The following IL31RA variants were observed in gnomAD, a reference collection of about 807,000 sequenced individuals.
IL31RA encodes the protein interleukin-31 receptor subunit alpha.
In IL31RA, 66 loss-of-function variants were observed where a neutral mutation model predicts 83.7. The observed-to-expected ratio is 0.79, with a 90% confidence interval of 0.65 to 0.97. The LOEUF (loss-of-function observed/expected upper bound fraction) is 0.97, where lower values mean the gene tolerates loss of function less well. Ranked by LOEUF, IL31RA falls within the 50% of genes least tolerant of loss-of-function variation. The pLI is 0.00. For missense variants in IL31RA, 798 were observed against 919.4 expected (o/e 0.87, Z 1.71); for synonymous variants, 325 against 329.0 (o/e 0.99, Z 0.13).
At chr5:55,873,113 A>G (rs1201533121) in intron 4 of IL31RA, among the ~76,000 whole-genome samples, 1 of 151,926 alleles carries the variant, frequency 6.6e-6, no homozygotes, top group Non-Finnish European at 1.5e-5. Flanking sequence ...CCACTAATCT[A>G]TTTTCTGCCT....
At chr5:55,899,722 C>A (rs1160008160) in intron 7 of IL31RA, among the ~76,000 whole-genome samples, 194 bp from the exon 8 acceptor site, 1 of 152,144 alleles carries the variant, frequency 6.6e-6, no homozygotes, top group African/African-American at 2.4e-5. Context: ...TTTAGTAAAT[C>A]CCCTCTTCTG....
At chr5:55,853,684 C>A in intron 1 of IL31RA, 2 of 1,021,076 alleles carry the variant, frequency 2.0e-6, no homozygotes, top group South Asian at 1.6e-5. Flanking sequence ...TGAATTTCTC[C>A]TTGAACTGGT....
At chr5:55,893,122 T>C (rs1334853531) in intron 6 of IL31RA, among the ~76,000 whole-genome samples, 1 of 152,248 alleles carries the variant, frequency 6.6e-6, no homozygotes, top group South Asian at 2.1e-4. Context: ...ATATATTGAT[T>C]ATTAGAGTTA....
At chr5:55,867,210 C>T (rs200879836) in intron 2 of IL31RA, among the ~76,000 whole-genome samples, 1,083 of 18,102 alleles carry the variant, frequency 0.06, 30 homozygotes, top group Middle Eastern at 0.17. Flanking sequence ...TGTGTGTGTG[C>T]GCATGTGTGT....
At chr5:55,905,808 G>C (rs937860720) in intron 8 of IL31RA, among the ~76,000 whole-genome samples, 1 of 152,208 alleles carries the variant, frequency 6.6e-6, no homozygotes, top group Admixed American at 6.5e-5. Context: ...CACTTGCAGA[G>C]ACACCTGTGG....
chr5:55,867,105 GTGTGTGCA>G, intron 2 of IL31RA, among the ~76,000 whole-genome samples: 1 of 140,966 alleles, frequency 7.1e-6, no homozygotes, highest in Admixed American at 6.9e-5. Flanking sequence ...GTGTTTGTGT[GTGTGTGCA>G]TGTGTGTGTT....
At chr5:55,911,523 A>G (rs1749502537) in intron 12 of IL31RA, among the ~76,000 whole-genome samples, 1 of 152,206 alleles carries the variant, frequency 6.6e-6, no homozygotes, top group Non-Finnish European at 1.5e-5. Flanking sequence ...CATATGATAT[A>G]TTTAACTTAC....
intron 6 of IL31RA, among the ~76,000 whole-genome samples, chr5:55,891,552 T>G (rs542023645): frequency 1.3e-5 from 2 of 152,066 alleles, no homozygotes; most frequent in Non-Finnish European, 2.9e-5. Flanking sequence ...TCTACAATAC[T>G]TATCCCCCCA....
upstream of IL31RA, among the ~76,000 whole-genome samples, chr5:55,847,182 G>T (rs550760038): frequency 3.2e-4 from 47 of 147,122 alleles, no homozygotes; most frequent in African/African-American, 1.2e-3. Context: ...GGTGGAGGTT[G>T]TGGTGAGCCG....
chr5:55,877,848 G>A (rs1002795698), intron 4 of IL31RA, among the ~76,000 whole-genome samples: 2 of 152,084 alleles, frequency 1.3e-5, no homozygotes, highest in Admixed American at 6.6e-5. Context: ...GGGATTCTTG[G>A]ATTTGTAGAT....
intron 6 of IL31RA, among the ~76,000 whole-genome samples, chr5:55,891,074 A>G (rs1484016854): frequency 6.6e-6 from 1 of 152,228 alleles, no homozygotes; most frequent in Non-Finnish European, 1.5e-5. Flanking sequence ...TTTAGCCCAT[A>G]GTAGATATTC....
chr5:55,852,328 C>T (rs1745115149), intron 1 of IL31RA: 1 of 152,256 alleles, frequency 6.6e-6, no homozygotes, highest in Non-Finnish European at 1.5e-5. Flanking sequence ...TGCCACCATG[C>T]CTGACTAATT....
chr5:55,872,971 G>T (rs955733267), intron 4 of IL31RA, among the ~76,000 whole-genome samples: 2 of 151,826 alleles, frequency 1.3e-5, no homozygotes, highest in African/African-American at 4.8e-5. Flanking sequence ...GATTTTTATT[G>T]TATTCACAAA....
intron 6 of IL31RA, among the ~76,000 whole-genome samples, chr5:55,894,778 G>A (rs1347506309): frequency 4.6e-5 from 7 of 152,110 alleles, no homozygotes; most frequent in African/African-American, 7.2e-5. Context: ...ATGCAATGGC[G>A]CGATCTCAGC....
At chr5:55,908,216 T>G (rs1400224683) in intron 10 of IL31RA, 49 bp from the exon 11 acceptor site, 18 of 1,611,788 alleles carry the variant, frequency 1.1e-5, no homozygotes, top group Admixed American at 1.7e-5. Context: ...GGGAACGATC[T>G]CCTGGAGTGC....
At chr5:55,915,962 A>G (rs1749758411) in intron 14 of IL31RA, among the ~76,000 whole-genome samples, 2 of 152,218 alleles carry the variant, frequency 1.3e-5, no homozygotes, top group African/African-American at 2.4e-5. Context: ...AGGTTGAACA[A>G]GTCTGTCTCT....
Position 55,906,233 on chromosome 5 carries a change from C to T in IL31RA, c.1197C>T (p.Pro399=), listed in dbSNP as rs376346235. Reference sequence around the variant, plus strand: ...GGTTTCCGGATGTGGACTCAGAGCCCACCACCCTTTCCTGGGAATCTGTGT... The same window carrying T: ...GGTTTCCGGATGTGGACTCAGAGCCTACCACCCTTTCCTGGGAATCTGTGT... ...IEWFPDVDSE[P]TTLSWESVSQ... The change falls in exon 9 of 15, where the codon CCC becomes CCT. Residue 399 remains proline, a synonymous_variant. Coordinates refer to ENST00000652347, the MANE Select transcript of IL31RA (RefSeq NM_139017.7). The T allele has an allele frequency of 2.5e-5, 40 of 1,614,040 alleles. No homozygotes were observed. The highest frequency in any genetic ancestry group is 1.6e-4 in the Middle Eastern group (1 of 6,070).
chr5:55,855,767 G>A (rs1045922725), intron 1 of IL31RA, among the ~76,000 whole-genome samples: 1 of 152,222 alleles, frequency 6.6e-6, no homozygotes, highest in Admixed American at 6.5e-5. Context: ...TTCCATCTTT[G>A]CTTTCTTCTC....
intron 11 of IL31RA, chr5:55,908,959 C>G (rs1749334027): frequency 1.1e-6 from 1 of 935,030 alleles, no homozygotes; most frequent in Admixed American, 4.6e-5. Flanking sequence ...GAAGCATTCA[C>G]AATATTGTGC....
Sources: allele counts gnomAD v4.1 joint callset (sites outside exome capture counted in the v4.1 genomes callset), GRCh38; gene constraint gnomAD v4.1.1; transcripts MANE v1.5; gene names NCBI Gene and HGNC (gene_info 2026-07-23, HGNC 2026-07-21).